Variants in RTN4IP1 observed in about 807,000 individuals in gnomAD.
RTN4IP1 encodes the protein NAD(P)H oxidoreductase RTN4IP1, mitochondrial.
A neutral mutation model predicts 46.6 loss-of-function variants in RTN4IP1; 32 were observed. That is an observed-to-expected ratio of 0.69 (90% CI 0.52 to 0.92). The LOEUF is 0.92. RTN4IP1 is among the 40% of genes least tolerant of loss of function. The pLI is 0.00. For missense variants in RTN4IP1, 424 were observed against 485.8 expected, an observed-to-expected ratio of 0.87 and a Z score of 1.20; for synonymous variants, 167 against 161.8, an observed-to-expected ratio of 1.03 and a Z score of -0.24.
At chr6:106,611,902 A>T (rs2114667954) in intron 4 of RTN4IP1, among the ~76,000 whole-genome samples, 1 of 152,386 alleles carries the variant, frequency 6.6e-6, no homozygotes, top group East Asian at 1.9e-4. Flanking sequence ...TAAGCCATTT[A>T]TGAAGACTTA....
rs934807603 is a variant in RTN4IP1 at position 106,622,902 on chromosome 6, T to C, written c.342A>G (p.Glu114=). 10 of 1,614,118 alleles carry C rather than the reference T, an allele frequency of 6.2e-6. No homozygotes were observed. The highest frequency in any genetic ancestry group is 8.5e-6 in the Non-Finnish European group (10 of 1,179,966). The change falls in exon 2 of 9, where the codon GAA becomes GAG. Residue 114 remains glutamate (E), a synonymous_variant. Transcript: ENST00000369063. The part of the protein sequence containing the change: ...DPLHVKIKGE[E]FPLTLGRDVS... ...CATCCCGACCCAGAGTCAGAGGAAA[T>C]TCTTCTCCTTTGATTTTCACGTGTA...
rs1163271319 is a variant in RTN4IP1 at position 106,614,245 on chromosome 6, G to A, written c.620+4957C>T. 3.9e-5 allele frequency among the ~76,000 whole-genome samples: 6 copies of A among 152,116 alleles called. No homozygotes were observed. The East Asian group carries it at 9.6e-4, about 24-fold the overall frequency. ...AACAATCTTATATTTTACATGACAC[G>A]AACAATAATGAGTAGTGCTGAGGAA... On this transcript the variant is annotated intron_variant, in intron 4 of 8. Transcript: ENST00000369063.
At chr6:106,628,052 G>C (rs967246729) in intron 1 of RTN4IP1, among the ~76,000 whole-genome samples, 3 of 149,856 alleles carry the variant, frequency 2.0e-5, no homozygotes, top group African/African-American at 7.4e-5. Context: ...TGCCGATAGA[G>C]TGAGACTCTG....
chr6:106,617,127 C>G (rs1011445126), intron 4 of RTN4IP1, among the ~76,000 whole-genome samples: 5 of 152,218 alleles, frequency 3.3e-5, no homozygotes, highest in Non-Finnish European at 7.3e-5. Flanking sequence ...CCTGATGTCA[C>G]CTTGATCTCA....
chr6:106,595,571 C>T (rs951655417), intron 5 of RTN4IP1, among the ~76,000 whole-genome samples: 3 of 151,270 alleles, frequency 2.0e-5, no homozygotes, highest in African/African-American at 7.3e-5. Flanking sequence ...GATCTCTGCC[C>T]ACTGCAACCT....
intron 5 of RTN4IP1, among the ~76,000 whole-genome samples, chr6:106,597,787 T>C (rs1174472580): frequency 6.6e-6 from 1 of 151,994 alleles, no homozygotes; most frequent in Non-Finnish European, 1.5e-5. Flanking sequence ...TCTGGTGCGC[T>C]GCACCCACTA....
chr6:106,622,716 C>T (rs1776512646), intron 2 of RTN4IP1, 102 bp downstream of exon 2: 3 of 1,282,374 alleles, frequency 2.3e-6, no homozygotes, highest in South Asian at 3.0e-5. Flanking sequence ...CTTAGCTGCA[C>T]TGACAGGCAA....
intron 8 of RTN4IP1, among the ~76,000 whole-genome samples, chr6:106,572,647 GTACT>G (rs778756016): frequency 7.9e-5 from 12 of 152,132 alleles, no homozygotes; most frequent in Non-Finnish European, 1.6e-4. Flanking sequence ...CTCACAGACT[GTACT>G]TGTTACAGCT....
At chr6:106,573,702 T>C (rs1225697563) in intron 8 of RTN4IP1, among the ~76,000 whole-genome samples, 1 of 152,214 alleles carries the variant, frequency 6.6e-6, no homozygotes, top group East Asian at 1.9e-4. Flanking sequence ...AAATAGCAAG[T>C]CAGGATTCAA....
rs1260437130 is a variant in RTN4IP1 at position 106,583,401 on chromosome 6, T to C, written c.1010A>G (p.His337Arg). ...KALKHFWKGVHYRWAFFMASG... is the reference protein window; with the variant it reads ...KALKHFWKGVRYRWAFFMASG... ...GGCCATGAAAAATGCCCAGCGATAA[T>C]GGACTCCTTTCCAGAAATGCTAAAA... Residue 337 changes from histidine to arginine, a missense_variant, in exon 8 of 9, where the codon CAT (histidine) becomes CGT (arginine). Transcript: ENST00000369063. 4 of 1,613,010 alleles carry C rather than the reference T, an allele frequency of 2.5e-6. No individual in the cohort carries two copies. The highest frequency in any genetic ancestry group is 2.5e-6 in the Non-Finnish European group (3 of 1,179,340).
chr6:106,593,131 G>A (rs1775704053), intron 5 of RTN4IP1, among the ~76,000 whole-genome samples: 1 of 152,000 alleles, frequency 6.6e-6, no homozygotes, highest in African/African-American at 2.4e-5. Context: ...TAAGTAATAG[G>A]TAACATATGA....
chr6:106,574,949 G>A (rs1326802257), intron 8 of RTN4IP1, among the ~76,000 whole-genome samples: 1 of 152,210 alleles, frequency 6.6e-6, no homozygotes, highest in Non-Finnish European at 1.5e-5. Flanking sequence ...GAGTCATTCA[G>A]CAATTCCCGT....
At chr6:106,616,347 A>G (rs1776357013) in intron 4 of RTN4IP1, among the ~76,000 whole-genome samples, 2 of 152,224 alleles carry the variant, frequency 1.3e-5, no homozygotes, top group Admixed American at 6.5e-5. Flanking sequence ...ACAAAGGGGG[A>G]AAAAGGTAAA....
chr6:106,603,546 G>A (rs1775994928), intron 4 of RTN4IP1, among the ~76,000 whole-genome samples: 1 of 152,148 alleles, frequency 6.6e-6, no homozygotes, highest in African/African-American at 2.4e-5. Context: ...GTCAGGGCAG[G>A]AGGGTGGGGC....
At position 106,571,413 on chromosome 6, in the gene RTN4IP1, G is replaced by T. The variant is rs7357031; in HGVS notation, c.*583C>A. On this transcript the variant is annotated 3_prime_UTR_variant, in exon 9 of 9. Transcript: ENST00000369063. ...AAGTTTTAGTATTGTACATTAAGAC[G>T]ATCAGGCCCAGCAGGGTGGTTCACG... The T allele has an allele frequency of 0.054, 8,241 of 152,506 alleles. 321 individuals are homozygous for T. Among genetic ancestry groups the T allele is most frequent in the Middle Eastern group, 0.1 (30 of 292 alleles). The allele number at this position is 152,506 out of a possible 1,614,324, so 9.4% of individuals were successfully genotyped here. A position where few individuals can be genotyped will look rare whatever the true frequency, so the allele number is the denominator to read the frequency against.
chr6:106,610,121 G>A (rs1262806537), intron 4 of RTN4IP1, among the ~76,000 whole-genome samples: 5 of 152,044 alleles, frequency 3.3e-5, no homozygotes, highest in Admixed American at 2.0e-4. Context: ...GAGTGCAATG[G>A]TGCTATCTCA....
At chr6:106,588,956 C>A (rs953352543) in intron 6 of RTN4IP1, among the ~76,000 whole-genome samples, 1 of 150,932 alleles carries the variant, frequency 6.6e-6, no homozygotes, top group African/African-American at 2.4e-5. Flanking sequence ...ATTAAAACTG[C>A]AAAATTAGCC....
At chr6:106,590,486 A>C (rs1267930937) in intron 6 of RTN4IP1, among the ~76,000 whole-genome samples, 1 of 151,914 alleles carries the variant, frequency 6.6e-6, no homozygotes, top group Non-Finnish European at 1.5e-5. Context: ...CAAGGCCGAG[A>C]CAGGTGGATC....
At chr6:106,627,399 ACTG>A (rs1181198012) in intron 1 of RTN4IP1, among the ~76,000 whole-genome samples, 8 of 152,226 alleles carry the variant, frequency 5.3e-5, no homozygotes, top group Admixed American at 5.2e-4. Flanking sequence ...TAGATAAAAT[ACTG>A]CTAATTTAAG....
Sources: gnomAD v4.1 joint callset for allele counts (sites outside exome capture counted in the v4.1 genomes callset) on GRCh38, gnomAD v4.1.1 for gene constraint, MANE v1.5 for transcripts, NCBI Gene and HGNC (gene_info 2026-07-23, HGNC 2026-07-21) for gene names.